The following FGF22 variants were observed in gnomAD, a reference collection of about 807,000 sequenced individuals.
The protein encoded by FGF22 is FGF-22.
In FGF22, 11 loss-of-function variants were observed where a neutral mutation model predicts 10.3. The ratio of observed to expected loss-of-function variants is 1.07; its 90% CI spans 0.67 to 1.77. The LOEUF is 1.77. Ranked by LOEUF, FGF22 falls within the 40% of genes most tolerant of loss-of-function variation. The pLI is 0.00. For missense variants in FGF22, 317 were observed against 273.2 expected (o/e 1.16, Z -1.13); for synonymous variants, 136 against 122.1 (o/e 1.11, Z -0.75).
chr19:641,316 T>C (rs555560978), intron 1 of FGF22: 65 of 452,156 alleles, frequency 1.4e-4, no homozygotes, highest in Admixed American at 7.1e-4. Context: ...GTGGCTCACG[T>C]CGGTAATCCC....
intron 1 of FGF22, 35 bp from the exon 2 acceptor site, chr19:643,200 C>A (rs1985964276): frequency 3.6e-6 from 4 of 1,111,552 alleles, no homozygotes; most frequent in South Asian, 1.6e-5. Context: ...TGGGGGTGAG[C>A]CAGCAAGGCC....
At chr19:640,896 G>A (rs1372424583) in intron 1 of FGF22, 9 of 300,482 alleles carry the variant, frequency 3.0e-5, no homozygotes, top group African/African-American at 1.5e-4. Flanking sequence ...CCTTCCCACC[G>A]CTTTCATCTG....
At chr19:643,612 A>G (rs771291187) in exon 3 of FGF22, 1 of 1,509,194 alleles carries the variant, frequency 6.6e-7, no homozygotes, top group South Asian at 1.2e-5. Flanking sequence ...TGAGGCCCTG[A>G]GAGGCCGGCG....
rs143239645 is a variant in FGF22 at position 643,495 on chromosome 19, G to A, written c.404G>A (p.Arg135His). 7.5e-4 allele frequency: 1,215 copies of A among 1,610,842 alleles called. 2 individuals are homozygous for A. The highest frequency in any genetic ancestry group is 2.8e-3 in the Middle Eastern group (17 of 6,040). ...TACGCCTCACAGCGCTGGCGCCGCC[G>A]CGGCCAGCCCATGTTCCTGGCGCTG... Residue 135 changes from arginine to histidine, a missense_variant, in exon 3 of 3, where the codon CGC (arginine) becomes CAC (histidine). Arg to His is a conservative substitution (Grantham distance 29). Transcript: ENST00000215530.
intron 1 of FGF22, among the ~76,000 whole-genome samples, chr19:642,024 C>A (rs907751098): frequency 5.3e-5 from 8 of 152,226 alleles, no homozygotes; most frequent in Non-Finnish European, 1.2e-4. Flanking sequence ...CCTCAACTGG[C>A]CCCTCTGCAA....
At chr19:642,272 CCA>C (rs779242235) in intron 1 of FGF22, among the ~76,000 whole-genome samples, 2 of 81,148 alleles carry the variant, frequency 2.5e-5, no homozygotes, top group Non-Finnish European at 2.5e-5. Context: ...GCTGGGGGCT[CCA>C]TATGGGGTGG....
Position 643,302 on chromosome 19 carries a change from C to G in FGF22, c.282C>G (p.Tyr94Ter), listed in dbSNP as rs761703237. Residue 94 changes from tyrosine (Y) to a stop codon, truncating the protein, a stop_gained, in exon 2 of 3, where the codon TAC (tyrosine) becomes TAG (stop). Transcript: ENST00000215530. LOFTEE classifies it low-confidence loss of function (END_TRUNC). ...TCAAAGCAGTGTCCTCAGGCTTCTACGTGGCCATGAACCGCCGGGGCCGCC... is the reference window on the plus strand; with the variant it reads ...TCAAAGCAGTGTCCTCAGGCTTCTAGGTGGCCATGAACCGCCGGGGCCGCC... The G allele has an allele frequency of 5.0e-6, 8 of 1,598,472 alleles. No individual in the cohort carries two copies. Among genetic ancestry groups the G allele is most frequent in the Non-Finnish European group, 6.8e-6 (8 of 1,172,234 alleles).
chr19:643,551 C>T (rs766633544), exon 3 of FGF22: 152 of 1,588,886 alleles, frequency 9.6e-5, no homozygotes, highest in Middle Eastern at 1.8e-4. Context: ...GCCAGGCGGC[C>T]GGACGCGGCG....
chr19:643,087 A>C (rs10410380), intron 1 of FGF22, 148 bp from the exon 2 acceptor site: 55 of 45,722 alleles, frequency 1.2e-3, no homozygotes, highest in African/African-American at 5.2e-3. Flanking sequence ...GGGGATCCTG[A>C]GTGTCCGTCG....
chr19:640,933 C>T (rs1274720107), intron 1 of FGF22: 6 of 333,060 alleles, frequency 1.8e-5, no homozygotes, highest in South Asian at 6.9e-5. Flanking sequence ...TTAGGCCGCA[C>T]GTGACGAGGG....
At chr19:644,321 G>C (rs1600620014) in exon 3 of FGF22, 1 of 152,358 alleles carries the variant, frequency 6.6e-6, no homozygotes, top group East Asian at 1.9e-4. Flanking sequence ...GTGGGACCCA[G>C]TTTGGACTCT....
chr19:640,843 G>T, intron 1 of FGF22: 1 of 220,678 alleles, frequency 4.5e-6, no homozygotes, highest in Non-Finnish European at 9.5e-6. Context: ...CCCGCTGGCT[G>T]CCGCCTGAAT....
At chr19:642,955 G>C (rs7260011) in intron 1 of FGF22, among the ~76,000 whole-genome samples, 110,212 of 151,690 alleles carry the variant, frequency 0.73, 41,453 homozygotes, top group East Asian at 0.97. Context: ...CTCCCACGGG[G>C]TCCTCATCGA....
chr19:640,508 C>G (rs1568183382), intron 1 of FGF22: 1 of 186,660 alleles, frequency 5.4e-6, no homozygotes, highest in Admixed American at 6.2e-5. Flanking sequence ...AGAATCCAGT[C>G]AGGGCTGCCT....
chr19:643,370 C>T (rs1403837566), intron 2 of FGF22, 32 bp downstream of exon 2: 2 of 1,014,154 alleles, frequency 2.0e-6, no homozygotes, highest in East Asian at 4.9e-5. Context: ...GCGGCGCGGG[C>T]AGGGTGGGGA....
chr19:642,200 A>T (rs1985923574), intron 1 of FGF22, among the ~76,000 whole-genome samples: 1 of 150,900 alleles, frequency 6.6e-6, no homozygotes, highest in South Asian at 2.1e-4. Flanking sequence ...TGGGCCGGGC[A>T]GCTGAGCTGT....
exon 3 of FGF22, chr19:643,421 C>T (rs759788213): frequency 2.4e-5 from 38 of 1,611,082 alleles, no homozygotes; most frequent in African/African-American, 2.3e-4. Context: ...GACTCTACAC[C>T]GTGGACTGCA....
At chr19:641,036 G>C (rs1985881805) in intron 1 of FGF22, 2 of 384,032 alleles carry the variant, frequency 5.2e-6, no homozygotes. Context: ...TCCGCTGCCT[G>C]ACCTGGAACA....
chr19:640,649 C>T (rs35554577), intron 1 of FGF22: 1 of 156,008 alleles, frequency 6.4e-6, no homozygotes, highest in East Asian at 1.9e-4. Flanking sequence ...CCACAGGGCC[C>T]AGGACGTCAC....
Sources: allele counts gnomAD v4.1 joint callset (sites outside exome capture counted in the v4.1 genomes callset), GRCh38; gene constraint gnomAD v4.1.1; transcripts MANE v1.5; gene names NCBI Gene and HGNC (gene_info 2026-07-23, HGNC 2026-07-21).